CADM1: variants seen among roughly 807,000 people sequenced by gnomAD.
CADM1 encodes the protein cell adhesion molecule 1.
CADM1 carries 15 observed loss-of-function variants against 53.1 expected under a neutral mutation model. That is an observed-to-expected ratio of 0.28 (90% CI 0.19 to 0.44). The LOEUF (loss-of-function observed/expected upper bound fraction) is 0.44, where lower values mean the gene tolerates loss of function less well. CADM1 is among the 20% of genes least tolerant of loss of function. The pLI, the probability that CADM1 is intolerant of heterozygous loss-of-function variation, is 1.00. For missense variants in CADM1, 434 were observed against 611.3 expected (o/e 0.71, Z 3.06); for synonymous variants, 281 against 243.0 (o/e 1.16, Z -1.45).
intron 1 of CADM1, among the ~76,000 whole-genome samples, chr11:115,371,945 TTAAGCA>T (rs987169747): frequency 1.2e-4 from 19 of 152,208 alleles, no homozygotes; most frequent in African/African-American, 4.6e-4. Flanking sequence ...AATGCTTCAC[TTAAGCA>T]TATATCTTGT....
intron 6 of CADM1, among the ~76,000 whole-genome samples, chr11:115,215,799 G>A (rs1941158031): frequency 6.6e-6 from 1 of 152,254 alleles, no homozygotes; most frequent in East Asian, 1.9e-4. Flanking sequence ...TTGAAGGAAG[G>A]ACAACAGAGA....
intron 1 of CADM1, among the ~76,000 whole-genome samples, chr11:115,292,301 AT>A (rs1192211296): frequency 1.3e-5 from 2 of 152,244 alleles, no homozygotes; most frequent in African/African-American, 4.8e-5. Context: ...GTCAGAAGAA[AT>A]TATTTTTTGT....
chr11:115,178,891 G>C, intron 10 of CADM1, 116 bp from the exon 11 acceptor site: 1 of 1,070,524 alleles, frequency 9.3e-7, no homozygotes, highest in African/African-American at 1.5e-5. Context: ...AGGAGTCACA[G>C]AGAACAATCG....
At chr11:115,402,855 T>C (rs149571613) in intron 1 of CADM1, among the ~76,000 whole-genome samples, 11 of 152,214 alleles carry the variant, frequency 7.2e-5, no homozygotes, top group African/African-American at 2.6e-4. Flanking sequence ...CTAGCAGAGA[T>C]GTAGAAGTAG....
At chr11:115,477,026 G>T (rs972978808) in intron 1 of CADM1, among the ~76,000 whole-genome samples, 39 of 152,092 alleles carry the variant, frequency 2.6e-4, no homozygotes, top group Admixed American at 7.9e-4. Flanking sequence ...AAAAAGAAAA[G>T]AAATAGACTA....
At chr11:115,409,310 GCA>G (rs768203044) in intron 1 of CADM1, among the ~76,000 whole-genome samples, 2 of 152,150 alleles carry the variant, frequency 1.3e-5, no homozygotes, top group African/African-American at 2.4e-5. Flanking sequence ...AATCCATGCA[GCA>G]CAGAGTCACT....
rs34913142 is a variant in CADM1, at chr11:115,350,509, CT to C, written c.125-110090del. ...GAGAGCCTATGACCATTCTTTTTTTCTTTTTTTTTTTTTTAATAAAAACCAC... is the reference window on the plus strand; with the variant it reads ...GAGAGCCTATGACCATTCTTTTTTTCTTTTTTTTTTTTTAATAAAAACCAC... On this transcript the variant is annotated intron_variant, in intron 1 of 11. Transcript: ENST00000331581. Among the ~76,000 whole-genome samples, 455 of 137,908 alleles carry C rather than the reference CT, an allele frequency of 3.3e-3. 3 individuals are homozygous for C. Among genetic ancestry groups the C allele is most frequent in the East Asian group, 5.6e-3 (26 of 4,648 alleles). 90.5% of individuals were successfully genotyped at this position (137,908 alleles called of 152,430 possible). A position where few individuals can be genotyped will look rare whatever the true frequency, so the allele number is the denominator to read the frequency against.
In CADM1 at chr11:115,313,927, T is replaced by TA. The variant is rs1944593741; in HGVS notation, c.125-73508dup. Among the ~76,000 whole-genome samples the TA allele has an allele frequency of 2.6e-5, 4 of 152,104 alleles. No individual in the cohort carries two copies. The South Asian group carries it at 8.3e-4, about 32-fold the overall frequency. On this transcript the variant is annotated intron_variant, in intron 1 of 11. Coordinates refer to ENST00000331581, the MANE Select transcript of CADM1 (RefSeq NM_001301043.2). ...TAGATCTGGACCACCCACCCTAGAC[T>TA]AGTGAGTGAAGGTAAGAAAATTTCC...
At position 115,385,823 on chromosome 11, in the gene CADM1, T is replaced by C. The variant is rs1329349870; in HGVS notation, c.124+118448A>G. 2.6e-5 allele frequency among the ~76,000 whole-genome samples: 4 copies of C among 152,298 alleles called. No individual in the cohort carries two copies. In the South Asian group the frequency reaches 8.3e-4, roughly 32 times the overall value. ...GCCTCCCTTCATCTAAATTTCTAAG[T>C]TCTTTGACTTAACAAAAGTCACAAC... On this transcript the variant is annotated intron_variant, in intron 1 of 11. Coordinates refer to ENST00000331581, the MANE Select transcript of CADM1 (RefSeq NM_001301043.2).
At chr11:115,458,737 A>G (rs528266325) in intron 1 of CADM1, among the ~76,000 whole-genome samples, 1 of 152,136 alleles carries the variant, frequency 6.6e-6, no homozygotes, top group Non-Finnish European at 1.5e-5. Context: ...TGCATGTACC[A>G]ATAACATCCC....
chr11:115,285,990 A>G (rs1052069282), intron 1 of CADM1, among the ~76,000 whole-genome samples: 17 of 152,256 alleles, frequency 1.1e-4, no homozygotes, highest in African/African-American at 4.1e-4. Context: ...GGAAAATGAA[A>G]TAATTTAGCA....
intron 1 of CADM1, among the ~76,000 whole-genome samples, chr11:115,406,915 ACTC>A (rs1947329416): frequency 6.6e-6 from 1 of 150,998 alleles, no homozygotes; most frequent in East Asian, 1.9e-4. Flanking sequence ...ATGCCATTGC[ACTC>A]CAGCCTGGGC....
chr11:115,169,311 C>T lies in CADM1; in HGVS notation c.*7163G>A, dbSNP rs1312177845. 4 of 219,438 alleles carry T rather than the reference C, an allele frequency of 1.8e-5. No individual in the cohort carries two copies. Among genetic ancestry groups the T allele is most frequent in the African/African-American group, 7.1e-5 (3 of 42,072 alleles). 13.6% of individuals were successfully genotyped at this position (219,438 alleles called of 1,614,324 possible). ...TGGCTGGGGCTAACGTGACTCAAGG[C>T]CCTTCTCGATGCATTGGTGTCTCTG... is the stretch of plus-strand genomic sequence containing the variant. On this transcript the variant is annotated 3_prime_UTR_variant, in exon 12 of 12. Transcript: ENST00000331581.
intron 1 of CADM1, among the ~76,000 whole-genome samples, chr11:115,415,719 C>T (rs992033582): frequency 2.7e-5 from 4 of 147,704 alleles, no homozygotes; most frequent in Non-Finnish European, 5.9e-5. Context: ...ACCTGTAGTT[C>T]CAGCTACTCA....
intron 9 of CADM1, among the ~76,000 whole-genome samples, chr11:115,194,970 T>C (rs938501140): frequency 3.9e-5 from 6 of 152,182 alleles, no homozygotes; most frequent in African/African-American, 1.2e-4. Context: ...TCTCAGACCA[T>C]GTGGTATCAG....
chr11:115,388,794 A>T (rs1248068440), intron 1 of CADM1, among the ~76,000 whole-genome samples: 1 of 152,148 alleles, frequency 6.6e-6, no homozygotes, highest in East Asian at 1.9e-4. Context: ...ACTGTTCCCC[A>T]TTAAAGTAGA....
chr11:115,351,490 A>G (rs912806865), intron 1 of CADM1, among the ~76,000 whole-genome samples: 4 of 152,204 alleles, frequency 2.6e-5, no homozygotes, highest in Non-Finnish European at 5.9e-5. Flanking sequence ...TAATTTTTGT[A>G]TTCTAGCAAG....
At chr11:115,419,939 A>C (rs1947710600) in intron 1 of CADM1, among the ~76,000 whole-genome samples, 1 of 152,184 alleles carries the variant, frequency 6.6e-6, no homozygotes, top group Admixed American at 6.6e-5. Context: ...TTGATCAATA[A>C]ATTCAGTTCG....
At chr11:115,365,003 G>C (rs1481448982) in intron 1 of CADM1, among the ~76,000 whole-genome samples, 1 of 152,090 alleles carries the variant, frequency 6.6e-6, no homozygotes, top group East Asian at 1.9e-4. Flanking sequence ...GGAAAAACGT[G>C]ACAGGCTTAA....
Sources: gnomAD v4.1 joint callset for allele counts (sites outside exome capture counted in the v4.1 genomes callset) on GRCh38, gnomAD v4.1.1 for gene constraint, MANE v1.5 for transcripts, NCBI Gene and HGNC (gene_info 2026-07-23, HGNC 2026-07-21) for gene names.